The following RALB variants were observed in gnomAD, a reference collection of about 807,000 sequenced individuals.
RALB encodes ras-related protein Ral-B.
Under a neutral mutation model 21.3 loss-of-function variants are expected in RALB, and 16 were observed. That is an observed-to-expected ratio of 0.75 (90% CI 0.51 to 1.14). RALB has a LOEUF of 1.14. Ranked by LOEUF, RALB falls within the 50% of genes most tolerant of loss-of-function variation. The pLI, the probability that RALB is intolerant of heterozygous loss-of-function variation, is 0.00. For missense variants in RALB, 161 were observed against 256.2 expected (o/e 0.63, Z 2.54); for synonymous variants, 93 against 96.1 (o/e 0.97, Z 0.19).
At chr2:120,258,183 A>G (rs1474989700) in intron 1 of RALB, among the ~76,000 whole-genome samples, 1 of 152,206 alleles carries the variant, frequency 6.6e-6, no homozygotes, top group Non-Finnish European at 1.5e-5. Flanking sequence ...TTTCAGTCAA[A>G]GGTCCCAAAT....
chr2:120,259,810 C>T (rs551094138), intron 1 of RALB, among the ~76,000 whole-genome samples: 41 of 152,334 alleles, frequency 2.7e-4, no homozygotes, highest in East Asian at 7.7e-4. Flanking sequence ...GGGTGGCGCT[C>T]GTCGGGGAGG....
intron 2 of RALB, among the ~76,000 whole-genome samples, chr2:120,284,331 TA>T (rs1321024145): frequency 6.6e-6 from 1 of 152,208 alleles, no homozygotes; most frequent in African/African-American, 2.4e-5. Context: ...ATTTTTAAGT[TA>T]AAAAAATTTT....
intron 1 of RALB, among the ~76,000 whole-genome samples, chr2:120,275,212 T>C (rs924473877): frequency 2.6e-5 from 4 of 152,220 alleles, no homozygotes; most frequent in African/African-American, 9.7e-5. Context: ...ATTGAAAAGG[T>C]GTCTCAATTC....
At chr2:120,280,638 A>G (rs976496766) in intron 2 of RALB, among the ~76,000 whole-genome samples, 10 of 152,080 alleles carry the variant, frequency 6.6e-5, no homozygotes, top group African/African-American at 2.2e-4. Flanking sequence ...CGATAGGTGC[A>G]GCAAACCACC....
At chr2:120,240,137 C>A (rs1688867723) in intron 1 of RALB, 1 of 1,289,594 alleles carries the variant, frequency 7.8e-7, no homozygotes, top group African/African-American at 1.5e-5. Flanking sequence ...TGGGTGCCCG[C>A]CCTCGGTGTG....
chr2:120,242,562 G>A (rs895453089), intron 1 of RALB, among the ~76,000 whole-genome samples: 4 of 151,840 alleles, frequency 2.6e-5, no homozygotes, highest in African/African-American at 9.7e-5. Flanking sequence ...GTGAAACCCC[G>A]TCTCTACTAA....
intron 1 of RALB, among the ~76,000 whole-genome samples, chr2:120,247,572 C>CTGACTTACCACAGTTTAGTGGCAA (rs1160314781): frequency 6.6e-6 from 1 of 152,176 alleles, no homozygotes; most frequent in Non-Finnish European, 1.5e-5. Flanking sequence ...TCGTAAAGTC[C>CTGACTTACCACAGTTTAGTGGCAA]TGACTTACCA....
At chr2:120,240,891 A>T (rs1186306792) in intron 1 of RALB, among the ~76,000 whole-genome samples, 1 of 152,044 alleles carries the variant, frequency 6.6e-6, no homozygotes, top group Admixed American at 6.5e-5. Context: ...GCTGCCACAT[A>T]CTCAGCCTTT....
chr2:120,290,944 C>T (rs1172559773), intron 4 of RALB, among the ~76,000 whole-genome samples: 5 of 152,214 alleles, frequency 3.3e-5, no homozygotes, highest in East Asian at 1.9e-4. Flanking sequence ...ACAGTGGACA[C>T]GTCTGCTTTT....
At chr2:120,289,559 A>G (rs1164199654) in intron 3 of RALB, 21 bp from the exon 4 acceptor site, 9 of 1,606,202 alleles carry the variant, frequency 5.6e-6, no homozygotes, top group Middle Eastern at 1.7e-4. Context: ...TAGCTGCTGT[A>G]TTTTTGGTGT....
intron 2 of RALB, among the ~76,000 whole-genome samples, chr2:120,281,871 T>C (rs1366521538): frequency 3.9e-5 from 6 of 152,202 alleles, no homozygotes; most frequent in African/African-American, 1.2e-4. Flanking sequence ...GGGAAGTAGT[T>C]GTTAACAGAG....
intron 1 of RALB, among the ~76,000 whole-genome samples, chr2:120,242,957 C>G (rs976490636): frequency 6.6e-6 from 1 of 152,146 alleles, no homozygotes; most frequent in Non-Finnish European, 1.5e-5. Flanking sequence ...TGGACGCGGA[C>G]TAACTGGCTT....
intron 1 of RALB, among the ~76,000 whole-genome samples, chr2:120,276,068 C>T (rs1481658879): frequency 6.6e-6 from 1 of 152,144 alleles, no homozygotes; most frequent in South Asian, 2.1e-4. Context: ...ATTATGCAGG[C>T]GAGTCCTCAG....
intron 1 of RALB, among the ~76,000 whole-genome samples, chr2:120,262,585 TAAG>T (rs1406829841): frequency 2.6e-5 from 4 of 152,116 alleles, no homozygotes; most frequent in Non-Finnish European, 4.4e-5. Flanking sequence ...GTGCTCCCCT[TAAG>T]AGGAGGGTGG....
intron 1 of RALB, among the ~76,000 whole-genome samples, chr2:120,242,530 C>T (rs1033669027): frequency 1.3e-5 from 2 of 151,954 alleles, no homozygotes; most frequent in Admixed American, 1.3e-4. Flanking sequence ...GTCAGGAGAT[C>T]GAGACCATCC....
At position 120,258,606 on chromosome 2, in the gene RALB, G is replaced by A. The variant is rs540017101; in HGVS notation, c.-48+5626G>A. ...CTGTGTGGAGAACAGATTGAAGAGG[G>A]GCTGGAGTGGTAATGAGGGGTCACT... On this transcript the variant is annotated intron_variant, in intron 1 of 4. Coordinates refer to ENST00000272519, the MANE Select transcript of RALB (RefSeq NM_002881.3). Among the ~76,000 whole-genome samples the A allele has an allele frequency of 1.4e-4, 22 of 152,330 alleles. 1 individual carries two copies. In the South Asian group the frequency reaches 4.1e-3, roughly 29 times the overall value.
chr2:120,245,792 G>T (rs1349223443), intron 1 of RALB, among the ~76,000 whole-genome samples: 1 of 152,174 alleles, frequency 6.6e-6, no homozygotes, highest in Non-Finnish European at 1.5e-5. Flanking sequence ...ACCAGGCCTT[G>T]GTGGGGACCT....
At chr2:120,261,280 G>A (rs1689359286) in intron 1 of RALB, among the ~76,000 whole-genome samples, 1 of 152,120 alleles carries the variant, frequency 6.6e-6, no homozygotes, top group Non-Finnish European at 1.5e-5. Context: ...CAGGAAGAAG[G>A]GTAGTGGTAG....
chr2:120,250,500 G>A (rs900152270), upstream of RALB, among the ~76,000 whole-genome samples: 1 of 152,246 alleles, frequency 6.6e-6, no homozygotes, highest in Non-Finnish European at 1.5e-5. Context: ...GGGCTAGGAA[G>A]TTTCCAGTGC....
Sources: allele counts gnomAD v4.1 joint callset (sites outside exome capture counted in the v4.1 genomes callset), GRCh38; gene constraint gnomAD v4.1.1; transcripts MANE v1.5; gene names NCBI Gene and HGNC (gene_info 2026-07-23, HGNC 2026-07-21).